THADA: variants seen among roughly 807,000 people sequenced by gnomAD.
THADA encodes THADA armadillo repeat containing, also known as tRNA (32-2'-O)-methyltransferase regulator THADA.
A neutral mutation model predicts 219.8 loss-of-function variants in THADA; 213 were observed. That is an observed-to-expected ratio of 0.97 (90% CI 0.87 to 1.09). The LOEUF (loss-of-function observed/expected upper bound fraction) is 1.09. THADA is among the 50% of genes least tolerant of loss of function. THADA has a pLI of 0.00. For synonymous variants in THADA, 1,018 were observed against 828.9 expected (o/e 1.23, Z -3.92); for missense variants, 2,956 against 2,311.3 (o/e 1.28, Z -5.72).
intron 24 of THADA, among the ~76,000 whole-genome samples, chr2:43,499,479 C>A (rs1387457550): frequency 6.6e-6 from 1 of 152,140 alleles, no homozygotes; most frequent in Non-Finnish European, 1.5e-5. Flanking sequence ...CAGGTTCAAG[C>A]GATTCTCCTG....
intron 31 of THADA, among the ~76,000 whole-genome samples, chr2:43,295,598 T>TA (rs1675274729): frequency 6.6e-6 from 1 of 152,248 alleles, no homozygotes; most frequent in Non-Finnish European, 1.5e-5. Flanking sequence ...AGACAGCATT[T>TA]AAGTGATACG....
At chr2:43,385,011 C>T (rs961404908) in intron 29 of THADA, among the ~76,000 whole-genome samples, 3 of 151,794 alleles carry the variant, frequency 2.0e-5, no homozygotes, top group Non-Finnish European at 2.9e-5. Flanking sequence ...TGTGGTGGTG[C>T]ACGCCTGTAG....
intron 25 of THADA, among the ~76,000 whole-genome samples, chr2:43,497,229 T>C (rs543430834): frequency 4.4e-4 from 67 of 152,266 alleles, no homozygotes; most frequent in Admixed American, 1.6e-3. Flanking sequence ...TATAAAGATA[T>C]ATGAAACATA....
intron 21 of THADA, among the ~76,000 whole-genome samples, chr2:43,530,515 A>G (rs1245466245): frequency 2.0e-5 from 3 of 152,246 alleles, no homozygotes; most frequent in Non-Finnish European, 4.4e-5. Flanking sequence ...CATTTCGATT[A>G]TTAGAGAAAC....
chr2:43,518,802 G>A (rs1220008864), intron 22 of THADA, among the ~76,000 whole-genome samples: 1 of 152,032 alleles, frequency 6.6e-6, no homozygotes, highest in East Asian at 1.9e-4. Context: ...TCCAGCTGGA[G>A]TGAACAACTG....
intron 16 of THADA, 98 bp downstream of exon 16, chr2:43,560,136 G>T: frequency 9.9e-7 from 1 of 1,013,978 alleles, no homozygotes; most frequent in Non-Finnish European, 1.4e-6. Flanking sequence ...AACATGAGCA[G>T]GCAGATGCAA....
At chr2:43,447,861 A>G (rs998964722) in intron 26 of THADA, among the ~76,000 whole-genome samples, 5 of 152,228 alleles carry the variant, frequency 3.3e-5, no homozygotes, top group Non-Finnish European at 5.9e-5. Flanking sequence ...CTTTGGACAT[A>G]CCAAAAACCA....
At chr2:43,591,160 A>G (rs1227887566) in intron 3 of THADA, among the ~76,000 whole-genome samples, 1 of 151,658 alleles carries the variant, frequency 6.6e-6, no homozygotes, top group East Asian at 1.9e-4. Flanking sequence ...CTGTCTCTAC[A>G]AAAAAATACA....
In THADA at chr2:43,292,975, T is replaced by C. The variant is rs1371978572; in HGVS notation, c.4677A>G (p.Leu1559=). ...ACTTTTCCAAGAGGGCTTCCAGTGT[T>C]AGTGAGCGCACTTCAGGGAAGGCAG... ...LESAFPEVRS[L]TLEALLEKFL... Residue 1559 remains leucine (L), a synonymous_variant, in exon 32 of 38, where the codon CTA becomes CTG. Transcript: ENST00000405975. The C allele has an allele frequency of 6.2e-7, 1 of 1,614,002 alleles. No homozygotes were observed.
At chr2:43,324,136 C>T (rs935949126) in intron 30 of THADA, among the ~76,000 whole-genome samples, 2 of 152,122 alleles carry the variant, frequency 1.3e-5, no homozygotes, top group African/African-American at 2.4e-5. Flanking sequence ...GTTGAGAAAC[C>T]GGTTTGACTT....
intron 26 of THADA, chr2:43,430,520 TTTAAGA>T: frequency 1.9e-6 from 1 of 533,054 alleles, no homozygotes; most frequent in East Asian, 3.6e-5. Context: ...TATCTCAAAA[TTTAAGA>T]TTATGTATGT....
intron 26 of THADA, among the ~76,000 whole-genome samples, chr2:43,437,514 A>G (rs1011236023): frequency 1.3e-5 from 2 of 152,180 alleles, no homozygotes; most frequent in Non-Finnish European, 2.9e-5. Flanking sequence ...CCTTAATTAA[A>G]TGTTGTATGA....
intron 29 of THADA, among the ~76,000 whole-genome samples, chr2:43,351,656 G>A (rs1326613086): frequency 2.0e-5 from 3 of 152,112 alleles, no homozygotes; most frequent in East Asian, 1.9e-4. Flanking sequence ...GCAGGGAGAG[G>A]GGCTGAAAAC....
At chr2:43,525,541 A>T (rs1237005913) in intron 22 of THADA, among the ~76,000 whole-genome samples, 1 of 152,164 alleles carries the variant, frequency 6.6e-6, no homozygotes, top group Non-Finnish European at 1.5e-5. Flanking sequence ...CAAGACTACC[A>T]TGCTGGGGTG....
intron 28 of THADA, among the ~76,000 whole-genome samples, chr2:43,418,831 G>A (rs1486818522): frequency 6.6e-6 from 1 of 152,130 alleles, no homozygotes; most frequent in Non-Finnish European, 1.5e-5. Flanking sequence ...AAGAACTCAA[G>A]AAGAAAGGAG....
intron 29 of THADA, among the ~76,000 whole-genome samples, chr2:43,385,585 C>A (rs113545837): frequency 8.2e-4 from 94 of 114,050 alleles, no homozygotes; most frequent in Non-Finnish European, 1.2e-3. Context: ...CCAGCCTGGG[C>A]AACAGAGCGA....
At chr2:43,424,337 G>A (rs1436580882) in intron 28 of THADA, among the ~76,000 whole-genome samples, 1 of 152,100 alleles carries the variant, frequency 6.6e-6, no homozygotes, top group Non-Finnish European at 1.5e-5. Flanking sequence ...AGCAACCTTT[G>A]CACTACTCCC....
intron 36 of THADA, among the ~76,000 whole-genome samples, chr2:43,271,112 G>C (rs1672068474): frequency 6.6e-6 from 1 of 152,204 alleles, no homozygotes. Flanking sequence ...GACCTGATAA[G>C]CAACTGACAA....
intron 28 of THADA, among the ~76,000 whole-genome samples, chr2:43,403,112 C>T (rs1444256565): frequency 1.3e-5 from 2 of 152,132 alleles, no homozygotes; most frequent in Non-Finnish European, 2.9e-5. Flanking sequence ...GTGAGGTGTC[C>T]CAGCATACTT....
Sources: allele counts gnomAD v4.1 joint callset (sites outside exome capture counted in the v4.1 genomes callset), GRCh38; gene constraint gnomAD v4.1.1; transcripts MANE v1.5; gene names NCBI Gene and HGNC (gene_info 2026-07-23, HGNC 2026-07-21).